The following YY1 variants were observed in gnomAD, a reference collection of about 807,000 sequenced individuals.
The protein encoded by YY1 is YY1 transcription factor.
A neutral mutation model predicts 35.6 loss-of-function variants in YY1; 2 were observed. The ratio of observed to expected loss-of-function variants is 0.06; its 90% CI spans 0.02 to 0.18. YY1 has a LOEUF of 0.18. YY1 is among the 10% of genes least tolerant of loss of function. The probability of loss-of-function intolerance (pLI) is 1.00; values close to 1 mark genes in which losing one functional copy is unlikely to be tolerated. For missense variants in YY1, 322 were observed against 573.4 expected, an observed-to-expected ratio of 0.56 and a Z score of 4.48; for synonymous variants, 268 against 238.9, an observed-to-expected ratio of 1.12 and a Z score of -1.12.
intron 2 of YY1, among the ~76,000 whole-genome samples, chr14:100,266,765 A>G (rs965039879): frequency 2.0e-5 from 3 of 152,188 alleles, no homozygotes; most frequent in African/African-American, 7.2e-5. Context: ...GAGACAATAA[A>G]ACAATGCTTT....
chr14:100,262,158 T>C, intron 1 of YY1, 146 bp from the exon 2 acceptor site: 1 of 815,166 alleles, frequency 1.2e-6, no homozygotes, highest in Non-Finnish European at 1.9e-6. Flanking sequence ...GTGAGACCGT[T>C]CTCCAAAAAA....
rs540775227 is a variant in YY1 at position 100,244,674 on chromosome 14, C to T, written c.679+4751C>T. On this transcript the variant is annotated intron_variant, in intron 1 of 4. Transcript: ENST00000262238. ...CACGGCTCACGGCAGCCTCAACCTC[C>T]CGGGCTGAAGCGATCCTCCCACCTC... Among the ~76,000 whole-genome samples, 41 of 151,214 alleles carry T rather than the reference C, an allele frequency of 2.7e-4. 1 individual carries two copies. Among genetic ancestry groups the T allele is most frequent in the African/African-American group, 9.7e-4 (40 of 41,176 alleles).
Position 100,276,585 on chromosome 14 carries a change from T to G in YY1, c.999T>G (p.Ala333=). 1 of 1,614,220 alleles carries G rather than the reference T, an allele frequency of 6.2e-7. No homozygotes were observed. Among genetic ancestry groups the G allele is most frequent in the Non-Finnish European group, 8.5e-7 (1 of 1,180,036 alleles). The change falls in exon 4 of 5, where the codon GCT becomes GCG. Residue 333 remains alanine (A), a synonymous_variant. Transcript: ENST00000262238. The surrounding 1 kb of genome is among the most constrained non-coding windows in gnomAD (Gnocchi z 4.1). ...RVHVCAECGK[A]FVESSKLKRH... The stretch of plus-strand genomic sequence containing the variant: ...ACGTCTGTGCAGAATGTGGCAAAGC[T>G]TTTGTTGAGAGTTCAAAACTAAAAC...
rs991065989 is a variant in YY1, at chr14:100,280,320, C to T, written c.*2720C>T. ...TAAGTAATACTGATAGACATATTTT[C>T]GTACATCTGAGCAGAAATAAATGCA... On this transcript the variant is annotated 3_prime_UTR_variant, in exon 5 of 5. Transcript: ENST00000262238. 1.3e-5 allele frequency: 2 copies of T among 152,122 alleles called. No individual in the cohort carries two copies. Among genetic ancestry groups the T allele is most frequent in the African/African-American group, 2.4e-5 (1 of 41,422 alleles). The allele number at this position is 152,122 out of a possible 1,614,324, so 9.4% of individuals were successfully genotyped here.
chr14:100,276,095 T>C lies in YY1; in HGVS notation c.904-395T>C, dbSNP rs549867776. Reference sequence around the variant, plus strand: ...CAAAGGTAGTGGTGGACTACCGTCATTTTAACTCCATTTGCTTAGCAGTGC... The same window carrying C: ...CAAAGGTAGTGGTGGACTACCGTCACTTTAACTCCATTTGCTTAGCAGTGC... On this transcript the variant is annotated intron_variant, in intron 3 of 4. Transcript: ENST00000262238. This position sits in a 1 kb window ranked among gnomAD's most constrained non-coding sequence, Gnocchi z 4.1. 4.7e-4 allele frequency: 141 copies of C among 302,718 alleles called. No individual in the cohort carries two copies. Among genetic ancestry groups the C allele is most frequent in the Non-Finnish European group, 6.9e-4 (108 of 156,912 alleles). The allele number at this position is 302,718 out of a possible 1,614,324, so 18.8% of individuals were successfully genotyped here.
rs534992975 is a variant in YY1, at chr14:100,277,242, G to C, written c.1063-176G>C. On this transcript the variant is annotated intron_variant, in intron 4 of 4. Coordinates refer to ENST00000262238, the MANE Select transcript of YY1 (RefSeq NM_003403.5). The surrounding 1 kb of genome is among the most constrained non-coding windows in gnomAD (Gnocchi z 5.6). The stretch of plus-strand genomic sequence containing the variant: ...TCGTGAGGGCTCTCCTTGGGTTTTC[G>C]GGGTTGTCCAACCTGCCTGCTGATT... 1 of 778,816 alleles carries C rather than the reference G, an allele frequency of 1.3e-6. No homozygotes were observed. Among genetic ancestry groups the C allele is most frequent in the Non-Finnish European group, 2.1e-6 (1 of 467,886 alleles). 48.2% of individuals were successfully genotyped at this position (778,816 alleles called of 1,614,324 possible).
intron 1 of YY1, among the ~76,000 whole-genome samples, chr14:100,242,625 T>C (rs910719348): frequency 6.6e-6 from 1 of 152,136 alleles, no homozygotes; most frequent in Non-Finnish European, 1.5e-5. Flanking sequence ...CCTAACCTCG[T>C]GATCCGCCTG....
chr14:100,240,411 G>A (rs1890717324), intron 1 of YY1, among the ~76,000 whole-genome samples: 3 of 151,326 alleles, frequency 2.0e-5, no homozygotes, highest in Admixed American at 2.0e-4. Flanking sequence ...CGGCGCTGCC[G>A]TTACCCCATC....
chr14:100,252,171 A>G (rs1890934323), intron 1 of YY1, among the ~76,000 whole-genome samples: 1 of 152,132 alleles, frequency 6.6e-6, no homozygotes, highest in Non-Finnish European at 1.5e-5. Context: ...ACTTCTCTGG[A>G]CTTGTAGAGT....
rs1890939470 is a variant in YY1 at position 100,252,554 on chromosome 14, G to C, written c.680-9750G>C. Among the ~76,000 whole-genome samples, 3 of 152,172 alleles carry C rather than the reference G, an allele frequency of 2.0e-5. No homozygotes were observed. The South Asian group carries it at 6.2e-4, about 32-fold the overall frequency. Reference sequence around the variant, plus strand: ...AGCCAGAGTGTGAGTGAGCACTGTAGTCACCTAATCGACAGTTTTGGGTAG... The same window carrying C: ...AGCCAGAGTGTGAGTGAGCACTGTACTCACCTAATCGACAGTTTTGGGTAG... On this transcript the variant is annotated intron_variant, in intron 1 of 4. Coordinates refer to ENST00000262238, the MANE Select transcript of YY1 (RefSeq NM_003403.5).
chr14:100,261,508 G>A (rs988514908), intron 1 of YY1, among the ~76,000 whole-genome samples: 2 of 152,082 alleles, frequency 1.3e-5, no homozygotes, highest in African/African-American at 4.8e-5. Context: ...ATTTGTTGAG[G>A]GCCAGCTATG....
In YY1 at chr14:100,280,112, T is replaced by C. The variant is rs1290862144; in HGVS notation, c.*2512T>C. ...TTCCTTGTTAACATAGCACTGACTTTGCAACAATAGAAAACTAACAAATGA... is the reference window on the plus strand; with the variant it reads ...TTCCTTGTTAACATAGCACTGACTTCGCAACAATAGAAAACTAACAAATGA... On this transcript the variant is annotated 3_prime_UTR_variant, in exon 5 of 5. Transcript: ENST00000262238. The C allele has an allele frequency of 6.6e-6, 1 of 152,230 alleles. No individual in the cohort carries two copies. The highest frequency in any genetic ancestry group is 6.5e-5 in the Admixed American group (1 of 15,278). The allele number at this position is 152,230 out of a possible 1,614,324, so 9.4% of individuals were successfully genotyped here. A position where few individuals can be genotyped will look rare whatever the true frequency, so the allele number is the denominator to read the frequency against.
At chr14:100,262,069 G>GA (rs1001641424) in intron 1 of YY1, among the ~76,000 whole-genome samples, 2 of 152,082 alleles carry the variant, frequency 1.3e-5, no homozygotes, top group Non-Finnish European at 2.9e-5. Context: ...GGGATTGCTT[G>GA]AGCCCAGGAG....
intron 1 of YY1, among the ~76,000 whole-genome samples, chr14:100,246,182 AC>A (rs1890830177): frequency 1.3e-5 from 2 of 151,746 alleles, no homozygotes; most frequent in African/African-American, 4.8e-5. Flanking sequence ...GTCCATGGTC[AC>A]CCCCACCCCG....
intron 1 of YY1, among the ~76,000 whole-genome samples, chr14:100,243,060 TTTTCCTTGTGA>T (rs1448990473): frequency 6.6e-6 from 1 of 152,204 alleles, no homozygotes; most frequent in Non-Finnish European, 1.5e-5. Context: ...TCCCCCTTAC[TTTTCCTTGTGA>T]TTTGGAATTA....
chr14:100,259,514 C>T (rs745932795), intron 1 of YY1, among the ~76,000 whole-genome samples: 3 of 149,604 alleles, frequency 2.0e-5, no homozygotes, highest in Admixed American at 1.3e-4. Context: ...AGCGAGACTC[C>T]GTCTCAAAAA....
At chr14:100,240,444 C>T (rs1240018472) in intron 1 of YY1, among the ~76,000 whole-genome samples, 1 of 151,826 alleles carries the variant, frequency 6.6e-6, no homozygotes, top group Non-Finnish European at 1.5e-5. Flanking sequence ...GCGCCGCGGG[C>T]GCTTGCCCCG....
rs1292432490 is a variant in YY1, at chr14:100,280,754, C to G, written c.*3154C>G. On this transcript the variant is annotated 3_prime_UTR_variant, in exon 5 of 5. Transcript: ENST00000262238. Reference sequence around the variant, plus strand: ...CATGTCTTCACAAGTAGATGAGAGTCACTTCCAGTCGGGGGAAGCCCGCCT... The same window carrying G: ...CATGTCTTCACAAGTAGATGAGAGTGACTTCCAGTCGGGGGAAGCCCGCCT... 6.6e-6 allele frequency: 1 copy of G among 152,146 alleles called. No homozygotes were observed. Among genetic ancestry groups the G allele is most frequent in the Non-Finnish European group, 1.5e-5 (1 of 68,044 alleles). 9.4% of individuals were successfully genotyped at this position (152,146 alleles called of 1,614,324 possible).
chr14:100,249,988 G>C (rs1168165274), intron 1 of YY1, among the ~76,000 whole-genome samples: 2 of 152,066 alleles, frequency 1.3e-5, no homozygotes, highest in Non-Finnish European at 2.9e-5. Context: ...GGTCAGGCTG[G>C]TCTCGAACTC....
Sources: gnomAD v4.1 joint callset for allele counts (sites outside exome capture counted in the v4.1 genomes callset) on GRCh38, gnomAD v4.1.1 for gene constraint, Gnocchi (gnomAD v3.1) non-coding constraint, MANE v1.5 for transcripts, NCBI Gene and HGNC (gene_info 2026-07-23, HGNC 2026-07-21) for gene names.